The following PRRG1 variants were observed in gnomAD, a reference collection of about 807,000 sequenced individuals.
PRRG1 encodes proline rich and Gla domain 1, also known as transmembrane gamma-carboxyglutamic acid protein 1.
Under a neutral mutation model 11.8 loss-of-function variants are expected in PRRG1, and 5 were observed. That is an observed-to-expected ratio of 0.42 (90% CI 0.22 to 0.89). PRRG1 has a LOEUF of 0.89. Among genes scored for constraint, PRRG1 ranks in the 40% least tolerant of loss-of-function variants. PRRG1 has a pLI of 0.28. For synonymous variants in PRRG1, 66 were observed against 60.4 expected, an observed-to-expected ratio of 1.09 and a Z score of -0.43; for missense variants, 155 against 166.1, an observed-to-expected ratio of 0.93 and a Z score of 0.37.
At chrX:37,407,657 A>G (rs1556382445) in intron 2 of PRRG1, among the ~76,000 whole-genome samples, 1 of 112,073 alleles carries the variant, frequency 8.9e-6, no homozygotes, top group Non-Finnish European at 1.9e-5. Flanking sequence ...AATACATGTA[A>G]AAGTGTTTTG....
At chrX:37,375,695 AG>A (rs1279560826) in intron 1 of PRRG1, among the ~76,000 whole-genome samples, 1 of 111,270 alleles carries the variant, frequency 9.0e-6, no homozygotes, top group Non-Finnish European at 1.9e-5. Flanking sequence ...GTTTCACCTG[AG>A]GGCAGGCCTT....
chrX:37,360,966 C>T (rs782009901), intron 1 of PRRG1, among the ~76,000 whole-genome samples: 14 of 112,353 alleles, frequency 1.2e-4, no homozygotes, highest in African/African-American at 4.5e-4. Context: ...TGTAAATTAG[C>T]GACATAATTA....
chrX:37,366,031 C>T (rs782348433), intron 1 of PRRG1, among the ~76,000 whole-genome samples: 5 of 112,334 alleles, frequency 4.5e-5, no homozygotes, highest in Non-Finnish European at 7.5e-5. Context: ...AAGTCTCAGC[C>T]GAGACTGCAA....
intron 1 of PRRG1, among the ~76,000 whole-genome samples, chrX:37,385,828 T>G (rs1333439072): frequency 9.1e-6 from 1 of 109,976 alleles, no homozygotes; most frequent in Non-Finnish European, 1.9e-5. Flanking sequence ...TGGCGTGATC[T>G]AGGCTCACTG....
chrX:37,410,294 T>C (rs1406099350), intron 2 of PRRG1, among the ~76,000 whole-genome samples: 1 of 112,137 alleles, frequency 8.9e-6, no homozygotes, highest in Non-Finnish European at 1.9e-5. Flanking sequence ...ATTTTATGTA[T>C]TATAAAACTG....
intron 1 of PRRG1, among the ~76,000 whole-genome samples, chrX:37,391,271 A>C (rs1931522430): frequency 9.0e-6 from 1 of 111,719 alleles, no homozygotes. Context: ...AAAAGACAGA[A>C]AAACTTATTT....
chrX:37,441,687 C>A, intron 3 of PRRG1: 1 of 798,965 alleles, frequency 1.3e-6, no homozygotes, highest in Admixed American at 5.5e-5. Context: ...TTAGCCGCTA[C>A]TTCCTGCGCC....
At chrX:37,421,099 A>G (rs995354050) in intron 2 of PRRG1, among the ~76,000 whole-genome samples, 1 of 111,043 alleles carries the variant, frequency 9.0e-6, no homozygotes, top group African/African-American at 3.3e-5. Flanking sequence ...TGTTGCATCC[A>G]CTTATTTTAT....
chrX:37,413,201 C>T lies in PRRG1; in HGVS notation c.10+6942C>T, dbSNP rs184764304. ...GGGTTCACTCTTGTTGTTGTATATTCTATGAGTTTGGGTAAATGCGTAAAG... is the reference window on the plus strand; with the variant it reads ...GGGTTCACTCTTGTTGTTGTATATTTTATGAGTTTGGGTAAATGCGTAAAG... On this transcript the variant is annotated intron_variant, in intron 2 of 3. Transcript: ENST00000378628. Among the ~76,000 whole-genome samples the T allele has an allele frequency of 7.6e-3, 839 of 110,807 alleles. 5 individuals carry two copies. The highest frequency in any genetic ancestry group is 0.013 in the Non-Finnish European group (680 of 52,831).
At chrX:37,421,942 A>G (rs1273076504) in intron 2 of PRRG1, among the ~76,000 whole-genome samples, 2 of 111,965 alleles carry the variant, frequency 1.8e-5, no homozygotes, top group Non-Finnish European at 3.8e-5. Flanking sequence ...GATAAAATCT[A>G]CTTGCCAGCT....
In PRRG1 at chrX:37,453,185, G is replaced by A. The variant is rs782732925; in HGVS notation, c.221G>A (p.Arg74Gln). ...YTKAQQGESN[R>Q]GSDWFQFYLT... ...AAAGCGCAACAAGGGGAGAGTAACCGAGGAAGTGACTGGTTTCAGTTTTAC... is the reference window on the plus strand; with the variant it reads ...AAAGCGCAACAAGGGGAGAGTAACCAAGGAAGTGACTGGTTTCAGTTTTAC... The change falls in exon 4 of 4, where the codon CGA becomes CAA. Residue 74 changes from arginine (R) to glutamine (Q), a missense_variant. Arg to Gln is a conservative substitution (Grantham distance 43). Coordinates refer to ENST00000378628, the MANE Select transcript of PRRG1 (RefSeq NM_001142395.2). The A allele has an allele frequency of 5.9e-5, 71 of 1,206,730 alleles. No homozygotes were observed. The highest frequency in any genetic ancestry group is 5.3e-4 in the Admixed American group (24 of 45,670).
intron 1 of PRRG1, among the ~76,000 whole-genome samples, chrX:37,382,280 CCT>C (rs1178219755): frequency 1.8e-5 from 2 of 111,173 alleles, no homozygotes; most frequent in Admixed American, 9.6e-5. Flanking sequence ...TGATAACCCC[CCT>C]GTTTAATTTT....
chrX:37,422,121 G>A (rs782273191), intron 2 of PRRG1, among the ~76,000 whole-genome samples: 2 of 111,754 alleles, frequency 1.8e-5, no homozygotes, highest in Non-Finnish European at 3.8e-5. Context: ...CTGCTTTCTG[G>A]TTACTGGAGT....
intron 1 of PRRG1, among the ~76,000 whole-genome samples, chrX:37,385,824 G>C (rs781980372): frequency 9.1e-6 from 1 of 109,296 alleles, no homozygotes; most frequent in South Asian, 4.2e-4. Context: ...GCAGTGGCGT[G>C]ATCTAGGCTC....
intron 1 of PRRG1, among the ~76,000 whole-genome samples, chrX:37,370,883 A>C (rs1556370613): frequency 8.9e-6 from 1 of 111,774 alleles, no homozygotes; most frequent in African/African-American, 3.3e-5. Context: ...GGTGCCAACG[A>C]GCATGGGAGG....
intron 1 of PRRG1, among the ~76,000 whole-genome samples, chrX:37,368,704 T>A (rs1164234842): frequency 3.6e-5 from 4 of 111,916 alleles, no homozygotes; most frequent in African/African-American, 1.3e-4. Context: ...AAGATCTGTT[T>A]TTTTTTATTT....
At chrX:37,374,254 A>G (rs1556371526) in intron 1 of PRRG1, among the ~76,000 whole-genome samples, 1 of 111,687 alleles carries the variant, frequency 9.0e-6, no homozygotes, top group Non-Finnish European at 1.9e-5. Flanking sequence ...TCCATGATCC[A>G]TAGTTTCTGA....
chrX:37,387,526 C>A (rs781796947), intron 1 of PRRG1, among the ~76,000 whole-genome samples: 11 of 110,403 alleles, frequency 1.0e-4, no homozygotes, highest in African/African-American at 3.7e-4. Flanking sequence ...CTTCACATGG[C>A]TGGAACAGGA....
chrX:37,421,879 G>A (rs781792414), intron 2 of PRRG1, among the ~76,000 whole-genome samples: 5 of 111,862 alleles, frequency 4.5e-5, no homozygotes, highest in African/African-American at 1.6e-4. Context: ...TTTCCTACAG[G>A]TCAGATTCTT....
Sources: allele counts gnomAD v4.1 joint callset (sites outside exome capture counted in the v4.1 genomes callset), GRCh38; gene constraint gnomAD v4.1.1; transcripts MANE v1.5; gene names NCBI Gene and HGNC (gene_info 2026-07-23, HGNC 2026-07-21).